SCAMP1: variants seen among roughly 807,000 people sequenced by gnomAD.
SCAMP1 encodes secretory carrier-associated membrane protein 1.
A neutral mutation model predicts 41.8 loss-of-function variants in SCAMP1; 15 were observed. The observed-to-expected ratio is 0.36, with a 90% CI of 0.24 to 0.55. The LOEUF (loss-of-function observed/expected upper bound fraction) is 0.55, where lower values mean the gene tolerates loss of function less well. Among genes scored for constraint, SCAMP1 ranks in the 20% least tolerant of loss-of-function variants. The pLI is 0.86. For synonymous variants in SCAMP1, 135 were observed against 136.8 expected, an observed-to-expected ratio of 0.99 and a Z score of 0.09; for missense variants, 341 against 412.6, an observed-to-expected ratio of 0.83 and a Z score of 1.50.
At chr5:78,396,666 C>G (rs1467227779) in intron 2 of SCAMP1, among the ~76,000 whole-genome samples, 1 of 151,916 alleles carries the variant, frequency 6.6e-6, no homozygotes, top group African/African-American at 2.4e-5. Flanking sequence ...ACATGTATTG[C>G]AGAGAAGCAA....
chr5:78,360,646 G>C lies in SCAMP1; in HGVS notation c.-26G>C. 1 of 1,600,482 alleles carries C rather than the reference G, an allele frequency of 6.2e-7. No homozygotes were observed. Among genetic ancestry groups the C allele is most frequent in the Non-Finnish European group, 8.5e-7 (1 of 1,174,204 alleles). On this transcript the variant is annotated 5_prime_UTR_variant, in exon 1 of 9. Coordinates refer to ENST00000621999, the MANE Select transcript of SCAMP1 (RefSeq NM_004866.6). ...CGTCTCTCTCTCTGCGCCTGGGTCG[G>C]GTGGGTGACGCCGAGAGCCAGAGAG...
chr5:78,362,638 A>G (rs1750685510), intron 1 of SCAMP1, among the ~76,000 whole-genome samples: 1 of 152,204 alleles, frequency 6.6e-6, no homozygotes, highest in Non-Finnish European at 1.5e-5. Context: ...GGTTGTACAC[A>G]TATTTCTGCT....
At chr5:78,460,680 C>T (rs1753562671) in intron 8 of SCAMP1, among the ~76,000 whole-genome samples, 1 of 144,010 alleles carries the variant, frequency 6.9e-6, no homozygotes, top group African/African-American at 2.6e-5. Flanking sequence ...CATATTTTCT[C>T]CCATCCTGTA....
At chr5:78,382,828 T>C (rs1751244613) in intron 1 of SCAMP1, among the ~76,000 whole-genome samples, 1 of 148,722 alleles carries the variant, frequency 6.7e-6, no homozygotes, top group Non-Finnish European at 1.5e-5. Flanking sequence ...TGCGCCACAT[T>C]TTCTGTATCC....
chr5:78,377,700 CAGTT>C (rs766394372), intron 1 of SCAMP1, among the ~76,000 whole-genome samples: 5 of 152,182 alleles, frequency 3.3e-5, no homozygotes, highest in Non-Finnish European at 2.9e-5. Flanking sequence ...TTACAATTCT[CAGTT>C]AGCCATAGGT....
Position 78,360,670 on chromosome 5 carries a change from A to T in SCAMP1, c.-2A>T. 6.2e-7 allele frequency: 1 copy of T among 1,609,012 alleles called. No homozygotes were observed. The highest frequency in any genetic ancestry group is 8.5e-7 in the Non-Finnish European group (1 of 1,177,982). ...GGGTGGGTGACGCCGAGAGCCAGAGAGATGTCGGATTTCGACAGTAACCCG... is the reference window on the plus strand; with the variant it reads ...GGGTGGGTGACGCCGAGAGCCAGAGTGATGTCGGATTTCGACAGTAACCCG... On this transcript the variant is annotated 5_prime_UTR_variant, in exon 1 of 9. Coordinates refer to ENST00000621999, the MANE Select transcript of SCAMP1 (RefSeq NM_004866.6).
chr5:78,439,127 C>A, intron 6 of SCAMP1, among the ~76,000 whole-genome samples: 1 of 152,144 alleles, frequency 6.6e-6, no homozygotes, highest in Non-Finnish European at 1.5e-5. Flanking sequence ...TGAGATGGGT[C>A]TCCTGAATAC....
At chr5:78,451,470 C>T (rs1006535566) in intron 7 of SCAMP1, among the ~76,000 whole-genome samples, 3 of 152,122 alleles carry the variant, frequency 2.0e-5, no homozygotes, top group African/African-American at 7.2e-5. Context: ...CTCAAAACTC[C>T]CCTTTTCCCA....
At chr5:78,429,364 ATTTTTTT>A (rs35131102) in intron 6 of SCAMP1, among the ~76,000 whole-genome samples, 1 of 136,510 alleles carries the variant, frequency 7.3e-6, no homozygotes, top group Non-Finnish European at 1.6e-5. Flanking sequence ...TTTTTTTTTA[ATTTTTTT>A]TTATCATTAA....
In SCAMP1 at chr5:78,398,069, A is replaced by G. The variant is rs1751698265; in HGVS notation, c.135+9155A>G. 2.6e-5 allele frequency among the ~76,000 whole-genome samples: 4 copies of G among 152,344 alleles called. No individual in the cohort carries two copies. The South Asian group carries it at 6.2e-4, about 24-fold the overall frequency. On this transcript the variant is annotated intron_variant, in intron 2 of 8. Transcript: ENST00000621999. Reference sequence around the variant, plus strand: ...CTAGACATTTGTTAAACGTGGAGTTACCATATGACCCTGTAATTCCACTCT... The same window carrying G: ...CTAGACATTTGTTAAACGTGGAGTTGCCATATGACCCTGTAATTCCACTCT...
intron 6 of SCAMP1, among the ~76,000 whole-genome samples, chr5:78,441,839 C>T (rs1561278138): frequency 6.6e-6 from 1 of 151,982 alleles, no homozygotes; most frequent in Non-Finnish European, 1.5e-5. Context: ...TGTCTCAAAG[C>T]AAAAAGGTGA....
At chr5:78,433,293 T>G (rs920915180) in intron 6 of SCAMP1, among the ~76,000 whole-genome samples, 2 of 152,202 alleles carry the variant, frequency 1.3e-5, no homozygotes, top group South Asian at 4.1e-4. Flanking sequence ...TTTCTTTTTA[T>G]GCCTCATAAT....
At chr5:78,377,401 A>T (rs932852465) in intron 1 of SCAMP1, among the ~76,000 whole-genome samples, 1 of 152,084 alleles carries the variant, frequency 6.6e-6, no homozygotes, top group Non-Finnish European at 1.5e-5. Context: ...TTTATGTCTC[A>T]TATTCAGTCT....
At chr5:78,366,539 A>G (rs1166103866) in intron 1 of SCAMP1, among the ~76,000 whole-genome samples, 1 of 152,176 alleles carries the variant, frequency 6.6e-6, no homozygotes, top group Non-Finnish European at 1.5e-5. Context: ...TTCTGATACC[A>G]TCACGTTGGT....
At chr5:78,459,660 C>CT (rs915450800) in intron 8 of SCAMP1, among the ~76,000 whole-genome samples, 53 of 151,866 alleles carry the variant, frequency 3.5e-4, no homozygotes, top group African/African-American at 1.0e-3. Context: ...CTCTAAATTT[C>CT]TTTTTTTTGA....
At chr5:78,434,611 A>G (rs1482213280) in intron 6 of SCAMP1, among the ~76,000 whole-genome samples, 2 of 151,692 alleles carry the variant, frequency 1.3e-5, no homozygotes, top group African/African-American at 2.4e-5. Flanking sequence ...TCTTTTTACA[A>G]TCTATAAGGT....
chr5:78,432,708 A>G (rs1356871060), intron 6 of SCAMP1, among the ~76,000 whole-genome samples: 2 of 151,740 alleles, frequency 1.3e-5, no homozygotes, highest in Non-Finnish European at 2.9e-5. Flanking sequence ...TGTGTTATGT[A>G]TATGTGTGTG....
intron 1 of SCAMP1, among the ~76,000 whole-genome samples, chr5:78,377,631 T>C (rs1487447858): frequency 1.3e-5 from 2 of 152,190 alleles, no homozygotes; most frequent in African/African-American, 4.8e-5. Flanking sequence ...GAACATATTT[T>C]AAGGAAACAC....
At chr5:78,460,206 A>G (rs557443166) in intron 8 of SCAMP1, among the ~76,000 whole-genome samples, 3 of 152,218 alleles carry the variant, frequency 2.0e-5, no homozygotes, top group Non-Finnish European at 4.4e-5. Flanking sequence ...TAGTGCTGCA[A>G]TAAGCATATG....
Sources: gnomAD v4.1 joint callset for allele counts (sites outside exome capture counted in the v4.1 genomes callset) on GRCh38, gnomAD v4.1.1 for gene constraint, MANE v1.5 for transcripts, NCBI Gene and HGNC (gene_info 2026-07-23, HGNC 2026-07-21) for gene names.